The following SCUBE2 variants were observed in gnomAD, a reference collection of about 807,000 sequenced individuals.
SCUBE2 encodes signal peptide, CUB and EGF-like domain-containing protein 2.
SCUBE2 carries 114 observed loss-of-function variants against 125.9 expected under a neutral mutation model. The ratio of observed to expected loss-of-function variants is 0.91; its 90% confidence interval spans 0.78 to 1.06. SCUBE2 has a LOEUF of 1.06. Ranked by LOEUF, SCUBE2 falls within the 50% of genes least tolerant of loss-of-function variation. The pLI is 0.00. For missense variants in SCUBE2, 1,255 were observed against 1,301.8 expected (o/e 0.96, Z 0.55); for synonymous variants, 459 against 492.9 (o/e 0.93, Z 0.91).
intron 13 of SCUBE2, among the ~76,000 whole-genome samples, chr11:9,051,141 C>T (rs188063146): frequency 6.6e-6 from 1 of 152,174 alleles, no homozygotes; most frequent in Non-Finnish European, 1.5e-5. Flanking sequence ...CTAGCCTAGG[C>T]AACAGAGTGA....
intron 5 of SCUBE2, among the ~76,000 whole-genome samples, chr11:9,067,654 C>A (rs1469790945): frequency 6.6e-6 from 1 of 151,942 alleles, no homozygotes; most frequent in Non-Finnish European, 1.5e-5. Context: ...TGGTGAGATT[C>A]TAGGTCTTAG....
rs537444230 is a variant in SCUBE2 at position 9,048,024 on chromosome 11, C to T, written c.1714G>A (p.Ala572Thr). 1 of 1,614,070 alleles carries T rather than the reference C, an allele frequency of 6.2e-7. No homozygotes were observed. The highest frequency in any genetic ancestry group is 8.5e-7 in the Non-Finnish European group (1 of 1,180,036). ...TCSSGKQVPGAPGRPSTPKEM... is the reference protein window; with the variant it reads ...TCSSGKQVPGTPGRPSTPKEM... ...TTAGGGGTGCTTGGTCGGCCAGGGG[C>T]TCCTGGGACTTGCTTGCCAGAGCTG... Residue 572 changes from alanine (A) to threonine (T), a missense_variant, in exon 15 of 23, where the codon GCC becomes ACC. By Grantham distance (58) the Ala-to-Thr change is moderately conservative. This residue lies in a region of SCUBE2 where 378 missense variants were observed against 463.1 expected (regional missense o/e 0.82). Transcript: ENST00000649792.
chr11:9,061,266 G>C (rs540746784), intron 7 of SCUBE2, among the ~76,000 whole-genome samples: 4 of 152,092 alleles, frequency 2.6e-5, no homozygotes, highest in African/African-American at 7.2e-5. Context: ...GGCTGGGGGT[G>C]GGGGGTGGTG....
chr11:9,047,946 T>A lies in SCUBE2; in HGVS notation c.1792A>T (p.Thr598Ser). 1 of 1,609,220 alleles carries A rather than the reference T, an allele frequency of 6.2e-7. No homozygotes were observed. Among genetic ancestry groups the A allele is most frequent in the Non-Finnish European group, 8.5e-7 (1 of 1,177,422 alleles). ...FELETNQKEV[T>S]ASCDLSCIVK... is the part of the protein sequence containing the mutation. Reference sequence around the variant, plus strand: ...TGCAGACTGTTTTCAAACCAACCTGTCACCTCCTTTTGGTTAGTTTCAAGC... The same window carrying A: ...TGCAGACTGTTTTCAAACCAACCTGACACCTCCTTTTGGTTAGTTTCAAGC... Residue 598 changes from threonine (T) to serine (S), a missense_variant, in exon 15 of 23, where the codon ACA (threonine) becomes TCA (serine). This residue lies in a region of SCUBE2 where 378 missense variants were observed against 463.1 expected (regional missense o/e 0.82). Transcript: ENST00000649792.
In SCUBE2 at chr11:9,046,243, C is replaced by T. The variant is rs559187871; in HGVS notation, c.2002+1113G>A. Among the ~76,000 whole-genome samples, 512 of 152,014 alleles carry T rather than the reference C, an allele frequency of 3.4e-3. 5 individuals carry two copies. Among genetic ancestry groups the T allele is most frequent in the African/African-American group, 0.012 (485 of 41,476 alleles). ...CAGGATGGTCTCGATCTCCTGACCT[C>T]GTGATCTGCCCGCCTTGGCCTCCCA... On this transcript the variant is annotated intron_variant, in intron 16 of 22. Transcript: ENST00000649792.
chr11:9,024,582 C>A (rs920489781), intron 21 of SCUBE2, among the ~76,000 whole-genome samples: 1 of 152,146 alleles, frequency 6.6e-6, no homozygotes, highest in Non-Finnish European at 1.5e-5. Flanking sequence ...CACAGCTGAA[C>A]CCCATTCCCT....
At chr11:9,083,302 T>C (rs1181890229) in intron 2 of SCUBE2, among the ~76,000 whole-genome samples, 4 of 152,240 alleles carry the variant, frequency 2.6e-5, no homozygotes, top group Non-Finnish European at 5.9e-5. Flanking sequence ...TTGACCTAAA[T>C]AACACTATGA....
intron 16 of SCUBE2, among the ~76,000 whole-genome samples, chr11:9,045,162 T>C (rs1310218226): frequency 6.6e-6 from 1 of 152,188 alleles, no homozygotes; most frequent in Non-Finnish European, 1.5e-5. Context: ...TGGCACACAA[T>C]TGGTGCTCAA....
intron 16 of SCUBE2, among the ~76,000 whole-genome samples, chr11:9,040,990 G>A (rs541661699): frequency 2.0e-5 from 3 of 152,286 alleles, no homozygotes; most frequent in South Asian, 4.1e-4. Context: ...AAACAGTTAC[G>A]ATTTAATCTG....
intron 14 of SCUBE2, chr11:9,050,131 T>C (rs1195656258): frequency 6.4e-6 from 1 of 155,628 alleles, no homozygotes; most frequent in Non-Finnish European, 1.4e-5. Flanking sequence ...GGTATTTGCT[T>C]TGCTGAAGCC....
At chr11:9,029,490 C>T (rs1409062243) in intron 19 of SCUBE2, among the ~76,000 whole-genome samples, 5 of 152,264 alleles carry the variant, frequency 3.3e-5, no homozygotes, top group Non-Finnish European at 7.3e-5. Flanking sequence ...TCCTCTGCAG[C>T]CTCACTGCCT....
At chr11:9,030,088 T>A (rs779625303) in intron 18 of SCUBE2, 43 bp from the exon 19 acceptor site, 13 of 1,588,274 alleles carry the variant, frequency 8.2e-6, no homozygotes, top group Non-Finnish European at 1.1e-5. Flanking sequence ...AAAAGAAAGA[T>A]TATTTTTAAT....
chr11:9,058,107 C>A (rs1341183900), intron 9 of SCUBE2, among the ~76,000 whole-genome samples: 1 of 152,158 alleles, frequency 6.6e-6, no homozygotes, highest in Non-Finnish European at 1.5e-5. Flanking sequence ...ATCTCCTCCC[C>A]ACAAGCCCTC....
Position 9,050,608 on chromosome 11 carries a change from G to C in SCUBE2, c.1637C>G (p.Pro546Arg). 2 of 1,611,818 alleles carry C rather than the reference G, an allele frequency of 1.2e-6. No homozygotes were observed. Among genetic ancestry groups the C allele is most frequent in the Non-Finnish European group, 1.7e-6 (2 of 1,177,870 alleles). The change falls in exon 14 of 23, where the codon CCA (proline) becomes CGA (arginine). Residue 546 changes from proline (P) to arginine (R), a missense_variant and splice_region_variant. This residue lies in a region of SCUBE2 where 378 missense variants were observed against 463.1 expected (regional missense o/e 0.82). Coordinates refer to ENST00000649792, the MANE Select transcript of SCUBE2 (RefSeq NM_001367977.2). ...LFPEGLRPAL[P>R]EKHSSVKESF... ...ACACCAACCACCTGATTCCATACCT[G>C]GTAGTGCTGGTCGCAGACCCTCGGG...
At chr11:9,046,906 G>A (rs965049981) in intron 16 of SCUBE2, among the ~76,000 whole-genome samples, 2 of 152,148 alleles carry the variant, frequency 1.3e-5, no homozygotes, top group African/African-American at 4.8e-5. Context: ...TGCTTACTTA[G>A]AAATACAAAT....
intron 18 of SCUBE2, 58 bp from the exon 19 acceptor site, chr11:9,030,103 T>A (rs1324308102): frequency 1.9e-6 from 3 of 1,563,522 alleles, no homozygotes; most frequent in Non-Finnish European, 2.6e-6. Flanking sequence ...TTTAATCAAA[T>A]GCAGCACAAA....
At position 9,060,440 on chromosome 11, in the gene SCUBE2, A is replaced by G; in HGVS notation, c.935T>C (p.Phe312Ser). 1 of 1,614,124 alleles carries G rather than the reference A, an allele frequency of 6.2e-7. No homozygotes were observed. The highest frequency in any genetic ancestry group is 8.5e-7 in the Non-Finnish European group (1 of 1,179,970). ...TGVHCSCPVG[F>S]TLQLDGKTCK... Reference sequence around the variant, plus strand: ...TGTCTTCCCATCCAACTGGAGAGTGAATCCAACAGGACAACTGCAGTGGAC... The same window carrying G: ...TGTCTTCCCATCCAACTGGAGAGTGGATCCAACAGGACAACTGCAGTGGAC... The change falls in exon 8 of 23, where the codon TTC becomes TCC. Residue 312 changes from phenylalanine (F) to serine (S), a missense_variant. This residue lies in a region of SCUBE2 where 378 missense variants were observed against 463.1 expected (regional missense o/e 0.82). Transcript: ENST00000649792.
chr11:9,058,227 C>T (rs1439935726), intron 9 of SCUBE2, among the ~76,000 whole-genome samples: 1 of 152,132 alleles, frequency 6.6e-6, no homozygotes, highest in Non-Finnish European at 1.5e-5. Context: ...CTTTGGGAGG[C>T]CTAGGAGGGC....
chr11:9,033,694 G>T lies in SCUBE2; in HGVS notation c.2105C>A (p.Pro702Gln). 6.2e-7 allele frequency: 1 copy of T among 1,614,102 alleles called. No homozygotes were observed. Among genetic ancestry groups the T allele is most frequent in the Non-Finnish European group, 8.5e-7 (1 of 1,180,016 alleles). The change falls in exon 17 of 23, where the codon CCA becomes CAA. Residue 702 changes from proline to glutamine, a missense_variant. Physicochemically the swap from Pro to Gln is moderately conservative, Grantham distance 76. Coordinates refer to ENST00000649792, the MANE Select transcript of SCUBE2 (RefSeq NM_001367977.2). ...QNEEGQMTCE[P>Q]CPRPGNSGAL... ...CCCAGAATTTCCTGGTCTTGGGCATGGTTCACAAGTCATTTGTCCTTCCTC... is the reference window on the plus strand; with the variant it reads ...CCCAGAATTTCCTGGTCTTGGGCATTGTTCACAAGTCATTTGTCCTTCCTC...
Sources: gnomAD v4.1 joint callset for allele counts (sites outside exome capture counted in the v4.1 genomes callset) on GRCh38, gnomAD v4.1.1 for gene constraint, gnomAD v4.1.1 regional missense constraint, MANE v1.5 for transcripts, NCBI Gene and HGNC (gene_info 2026-07-23, HGNC 2026-07-21) for gene names.